Variants in PDGFC observed in about 807,000 individuals in gnomAD.
The protein encoded by PDGFC is platelet derived growth factor C.
PDGFC carries 12 observed loss-of-function variants against 35.5 expected under a neutral mutation model. The ratio of observed to expected loss-of-function variants is 0.34; its 90% CI spans 0.22 to 0.55. The LOEUF (loss-of-function observed/expected upper bound fraction) is 0.55, where lower values mean the gene tolerates loss of function less well. Among genes scored for constraint, PDGFC ranks in the 20% least tolerant of loss-of-function variants. PDGFC has a pLI of 0.91. For synonymous variants in PDGFC, 159 were observed against 148.8 expected (o/e 1.07, Z -0.50); for missense variants, 322 against 412.4 (o/e 0.78, Z 1.90).
chr4:156,969,114 T>A (rs1732530782), intron 1 of PDGFC, among the ~76,000 whole-genome samples: 1 of 151,922 alleles, frequency 6.6e-6, no homozygotes, highest in African/African-American at 2.4e-5. Flanking sequence ...ATAGGAGAAA[T>A]GATATGGGAC....
chr4:156,913,448 A>G (rs1440787912), intron 1 of PDGFC, among the ~76,000 whole-genome samples: 7 of 152,204 alleles, frequency 4.6e-5, no homozygotes, highest in Non-Finnish European at 1.0e-4. Context: ...TTTGCAAGTG[A>G]TGCAACTGGA....
At chr4:156,865,331 A>G (rs1369966276) in intron 1 of PDGFC, among the ~76,000 whole-genome samples, 1 of 152,262 alleles carries the variant, frequency 6.6e-6, no homozygotes, top group South Asian at 2.1e-4. Context: ...CGCATATCCA[A>G]TGTCTAATTT....
At position 156,772,703 on chromosome 4, in the gene PDGFC, A is replaced by G. The variant is rs371889486; in HGVS notation, c.686T>C (p.Phe229Ser). The change falls in exon 4 of 6, where the codon TTT becomes TCT. Residue 229 changes from phenylalanine (F) to serine (S), a missense_variant. Around this residue, in one of 2 missense-constraint regions of PDGFC, gnomAD observed 202 missense variants for 295.9 expected, o/e 0.68. Transcript: ENST00000502773. ...TWQLLGKAFV[F>S]GRKSRVVDLN... ...GAGCTTACCTCTGGATTTTCTTCCA[A>G]AAACAAAAGCCTTGCCAAGAAGTTG... is the stretch of plus-strand genomic sequence containing the variant. 3.7e-6 allele frequency: 6 copies of G among 1,612,754 alleles called. No individual in the cohort carries two copies. The highest frequency in any genetic ancestry group is 2.7e-5 in the African/African-American group (2 of 74,868).
intron 2 of PDGFC, among the ~76,000 whole-genome samples, chr4:156,817,886 C>A (rs1031914767): frequency 3.3e-5 from 5 of 151,384 alleles, no homozygotes; most frequent in Non-Finnish European, 7.4e-5. Context: ...TGGTGAAACC[C>A]CATCTCTACT....
intron 1 of PDGFC, among the ~76,000 whole-genome samples, chr4:156,917,932 A>C (rs969448645): frequency 1.3e-5 from 2 of 152,200 alleles, no homozygotes; most frequent in Non-Finnish European, 2.9e-5. Context: ...TTTCAGATCA[A>C]ATTAATTAAT....
chr4:156,809,364 C>T (rs1173756373), intron 3 of PDGFC, among the ~76,000 whole-genome samples: 1 of 152,026 alleles, frequency 6.6e-6, no homozygotes, highest in Non-Finnish European at 1.5e-5. Context: ...ACCCTGGTGA[C>T]AGGACTTTTC....
At chr4:156,824,381 C>T (rs1346188902) in intron 2 of PDGFC, among the ~76,000 whole-genome samples, 9 of 141,956 alleles carry the variant, frequency 6.3e-5, no homozygotes, top group African/African-American at 2.2e-4. Flanking sequence ...CACATACATA[C>T]ATACACACAC....
chr4:156,833,234 A>C (rs1456660536), intron 2 of PDGFC, among the ~76,000 whole-genome samples: 1 of 152,236 alleles, frequency 6.6e-6, no homozygotes, highest in Non-Finnish European at 1.5e-5. Flanking sequence ...TTTCACAAGC[A>C]TAGATATCTC....
At chr4:156,957,954 G>A (rs960867627) in intron 1 of PDGFC, among the ~76,000 whole-genome samples, 3 of 151,910 alleles carry the variant, frequency 2.0e-5, no homozygotes, top group East Asian at 1.9e-4. Flanking sequence ...GATTCTGCAC[G>A]TGCAAATGAT....
intron 1 of PDGFC, among the ~76,000 whole-genome samples, chr4:156,908,098 G>A (rs566050756): frequency 3.9e-5 from 6 of 152,214 alleles, no homozygotes; most frequent in East Asian, 1.9e-4. Context: ...CCCAGGAAGC[G>A]GAGGTTGCAG....
At chr4:156,847,670 G>A (rs1302498199) in intron 2 of PDGFC, among the ~76,000 whole-genome samples, 2 of 76,692 alleles carry the variant, frequency 2.6e-5, no homozygotes, top group South Asian at 6.2e-4. Context: ...AAGTATGTAG[G>A]ATGCTAACAT....
Position 156,850,373 on chromosome 4 carries a change from A to G in PDGFC, c.162T>C (p.Thr54=), listed in dbSNP as rs1160379137. The part of the protein sequence containing the change: ...PQHERIITVS[T]NGSIHSPRFP... Reference sequence around the variant, plus strand: ...ACCTTGGGCTGTGAATACTTCCATTAGTAGACACAGTAATAATTCTCTCAT... The same window carrying G: ...ACCTTGGGCTGTGAATACTTCCATTGGTAGACACAGTAATAATTCTCTCAT... Residue 54 remains threonine (T), a synonymous_variant, in exon 2 of 6, where the codon ACT becomes ACC. Transcript: ENST00000502773. The G allele has an allele frequency of 6.2e-7, 1 of 1,605,074 alleles. No individual in the cohort carries two copies. The highest frequency in any genetic ancestry group is 2.2e-5 in the East Asian group (1 of 44,656).
intron 1 of PDGFC, among the ~76,000 whole-genome samples, chr4:156,890,527 T>C (rs1180633253): frequency 6.6e-6 from 1 of 152,160 alleles, no homozygotes; most frequent in Non-Finnish European, 1.5e-5. Flanking sequence ...TGACCAGTCT[T>C]TCCTGAACAG....
intron 5 of PDGFC, among the ~76,000 whole-genome samples, chr4:156,764,321 T>C (rs1730459730): frequency 1.3e-5 from 2 of 152,180 alleles, no homozygotes; most frequent in South Asian, 4.1e-4. Flanking sequence ...GTTAATTAGC[T>C]AACATTTTTT....
intron 1 of PDGFC, among the ~76,000 whole-genome samples, chr4:156,865,058 CAAG>C (rs1488133909): frequency 6.6e-6 from 1 of 152,020 alleles, no homozygotes; most frequent in African/African-American, 2.4e-5. Flanking sequence ...CACCAGACCC[CAAG>C]AAGCCATCTA....
intron 3 of PDGFC, among the ~76,000 whole-genome samples, chr4:156,798,466 C>T (rs1435527973): frequency 2.6e-5 from 4 of 152,042 alleles, no homozygotes; most frequent in African/African-American, 7.2e-5. Context: ...ACCTCTTTTA[C>T]GTAATTGGGA....
In PDGFC at chr4:156,971,710, C is replaced by A. The variant is rs1335276139; in HGVS notation, c.-807G>T. ...GGGCAATTCGGCCGCTCGGGGTCAC[C>A]GCGGGGCTCCGGTTGTTCCCCGTCC... On this transcript the variant is annotated 5_prime_UTR_variant, in exon 1 of 6. Coordinates refer to ENST00000502773, the MANE Select transcript of PDGFC (RefSeq NM_016205.3). Among the ~76,000 whole-genome samples the A allele has an allele frequency of 6.6e-6, 1 of 151,916 alleles. No homozygotes were observed. The highest frequency in any genetic ancestry group is 1.5e-5 in the Non-Finnish European group (1 of 67,966).
At chr4:156,801,160 T>C (rs1197539160) in intron 3 of PDGFC, among the ~76,000 whole-genome samples, 2 of 152,048 alleles carry the variant, frequency 1.3e-5, no homozygotes, top group African/African-American at 2.4e-5. Flanking sequence ...TCTTAACAGG[T>C]CCTGTGGCCC....
chr4:156,886,014 T>A (rs114631713), intron 1 of PDGFC, among the ~76,000 whole-genome samples: 244 of 152,312 alleles, frequency 1.6e-3, no homozygotes, highest in South Asian at 3.9e-3. Context: ...TGCATTACAG[T>A]TCACAGCTCC....
Sources: gnomAD v4.1 joint callset for allele counts (sites outside exome capture counted in the v4.1 genomes callset) on GRCh38, gnomAD v4.1.1 for gene constraint, gnomAD v4.1.1 regional missense constraint, MANE v1.5 for transcripts, NCBI Gene and HGNC (gene_info 2026-07-23, HGNC 2026-07-21) for gene names.